The following N4BP2L2 variants were observed in gnomAD, a reference collection of about 807,000 sequenced individuals.
The protein encoded by N4BP2L2 is NEDD4-binding protein 2-like 2.
Under a neutral mutation model 56.2 loss-of-function variants are expected in N4BP2L2, and 50 were observed. The ratio of observed to expected loss-of-function variants is 0.89; its 90% CI spans 0.71 to 1.13. The LOEUF (loss-of-function observed/expected upper bound fraction) is 1.13, where lower values mean the gene tolerates loss of function less well. Ranked by LOEUF, N4BP2L2 falls within the 50% of genes most tolerant of loss-of-function variation. N4BP2L2 has a pLI of 0.00. For synonymous variants in N4BP2L2, 203 were observed against 223.6 expected, an observed-to-expected ratio of 0.91 and a Z score of 0.82; for missense variants, 689 against 693.8, an observed-to-expected ratio of 0.99 and a Z score of 0.08.
downstream of N4BP2L2, chr13:32,506,165 T>C (rs143951952): frequency 2.6e-5 from 4 of 151,622 alleles, no homozygotes; most frequent in African/African-American, 9.7e-5. Flanking sequence ...CTTTGGCTTG[T>C]AGATGGCCAT....
At chr13:32,527,133 C>A (rs1471985028) in intron 3 of N4BP2L2, 3 of 257,484 alleles carry the variant, frequency 1.2e-5, no homozygotes, top group Non-Finnish European at 2.2e-5. Context: ...CTTAAAATAT[C>A]CCATGCTGCT....
At chr13:32,464,260 T>G (rs2080810712) in intron 6 of N4BP2L2, among the ~76,000 whole-genome samples, 1 of 152,236 alleles carries the variant, frequency 6.6e-6, no homozygotes, top group Non-Finnish European at 1.5e-5. Flanking sequence ...AGTTGGTAAA[T>G]TCTAACTGGA....
intron 6 of N4BP2L2, among the ~76,000 whole-genome samples, chr13:32,463,663 CAA>C (rs35920030): frequency 0.013 from 1,304 of 104,028 alleles, 21 homozygotes; most frequent in African/African-American, 0.045. Flanking sequence ...GACTTGGTCT[CAA>C]AAAAAAAAAA....
At chr13:32,521,489 T>A (rs1407186112) in intron 4 of N4BP2L2, 40 bp from the exon 5 acceptor site, 2 of 1,393,982 alleles carry the variant, frequency 1.4e-6, no homozygotes, top group Admixed American at 4.1e-5. Context: ...CCCAGAGAAG[T>A]ACTTCTTAAA....
At position 32,464,880 on chromosome 13, in the gene N4BP2L2, C is replaced by A. The variant is rs993661935; in HGVS notation, c.366-20754G>T. On this transcript the variant is annotated intron_variant, in intron 6 of 9. Transcript: ENST00000357505. ...GTAATAAAACTAATACAAATTAAAA[C>A]CACAATAAGATAAAATTTCATGTCT... Among the ~76,000 whole-genome samples, 11 of 152,038 alleles carry A rather than the reference C, an allele frequency of 7.2e-5. No individual in the cohort carries two copies. The South Asian group carries it at 2.1e-3, about 29-fold the overall frequency.
chr13:32,434,870 G>A (rs1263126237), intron 9 of N4BP2L2, among the ~76,000 whole-genome samples: 2 of 152,286 alleles, frequency 1.3e-5, no homozygotes, highest in African/African-American at 2.4e-5. Flanking sequence ...GAGAAGACCC[G>A]ACAGTTTAGG....
At chr13:32,529,049 T>C (rs1594088551) in intron 2 of N4BP2L2, among the ~76,000 whole-genome samples, 1 of 152,222 alleles carries the variant, frequency 6.6e-6, no homozygotes, top group Non-Finnish European at 1.5e-5. Flanking sequence ...ATGTAAATAG[T>C]TGTTATACTG....
intron 2 of N4BP2L2, among the ~76,000 whole-genome samples, 172 bp downstream of exon 2, chr13:32,535,597 T>C (rs2056351313): frequency 6.6e-6 from 1 of 152,162 alleles, no homozygotes; most frequent in African/African-American, 2.4e-5. Context: ...AGAGACAGGG[T>C]CTCACTATGT....
At chr13:32,492,604 T>TTTACTAA (rs1192660423) in intron 6 of N4BP2L2, among the ~76,000 whole-genome samples, 1 of 152,152 alleles carries the variant, frequency 6.6e-6, no homozygotes, top group Non-Finnish European at 1.5e-5. Flanking sequence ...GTAAATTCCA[T>TTTACTAA]TAGTAACAGG....
At chr13:32,455,828 G>T (rs563814332) in intron 6 of N4BP2L2, among the ~76,000 whole-genome samples, 37 of 152,286 alleles carry the variant, frequency 2.4e-4, no homozygotes, top group African/African-American at 8.7e-4. Context: ...TACCCTGTCT[G>T]CCACTACCAA....
At chr13:32,517,983 G>C in exon 6 of N4BP2L2, 1 of 1,613,428 alleles carries the variant, frequency 6.2e-7, no homozygotes, top group Non-Finnish European at 8.5e-7. Flanking sequence ...CTTCTTTCGA[G>C]ACACACCATG....
chr13:32,441,662 C>G (rs190730450), intron 7 of N4BP2L2, among the ~76,000 whole-genome samples: 1 of 147,278 alleles, frequency 6.8e-6, no homozygotes, highest in African/African-American at 2.5e-5. Flanking sequence ...CCAGCCTGGG[C>G]GACAAGAGCG....
intron 6 of N4BP2L2, among the ~76,000 whole-genome samples, chr13:32,499,008 A>T (rs1054627232): frequency 3.3e-5 from 5 of 151,774 alleles, no homozygotes; most frequent in Non-Finnish European, 7.4e-5. Context: ...AAAAAAAAAA[A>T]AAATTAAAAT....
chr13:32,444,143 T>A, intron 6 of N4BP2L2: 1 of 1,463,596 alleles, frequency 6.8e-7, no homozygotes, highest in Non-Finnish European at 9.0e-7. Context: ...TATTAAAGAA[T>A]TAAGAAAATG....
chr13:32,527,389 C>T lies in N4BP2L2; in HGVS notation c.1384+19G>A. ...CCTAGCCAAATATTCTATCCTGGGA[C>T]ACTTAGCCCAAAACAAACCTCTGTT... On this transcript the variant is annotated intron_variant, in intron 3 of 5. Coordinates refer to ENST00000267068, the Ensembl canonical transcript of N4BP2L2. 6.2e-7 allele frequency: 1 copy of T among 1,611,554 alleles called. No homozygotes were observed. Among genetic ancestry groups the T allele is most frequent in the Non-Finnish European group, 8.5e-7 (1 of 1,179,284 alleles).
chr13:32,518,111 A>T, intron 5 of N4BP2L2, 108 bp from the exon 6 acceptor site: 2 of 1,005,362 alleles, frequency 2.0e-6, no homozygotes, highest in Non-Finnish European at 2.8e-6. Flanking sequence ...TTTTGTAAAT[A>T]AACAATATAT....
At chr13:32,508,039 C>T (rs1167524968), downstream of N4BP2L2, 1 of 152,014 alleles carries the variant, frequency 6.6e-6, no homozygotes, top group African/African-American at 2.4e-5. Flanking sequence ...TGAACAAAAA[C>T]CATGATGTCA....
At chr13:32,486,014 G>T (rs1317099809) in intron 6 of N4BP2L2, among the ~76,000 whole-genome samples, 2 of 152,156 alleles carry the variant, frequency 1.3e-5, no homozygotes, top group East Asian at 3.9e-4. Context: ...AGGTTGCGGT[G>T]AACCAAGATT....
chr13:32,501,589 C>T (rs1450802184), intron 6 of N4BP2L2, among the ~76,000 whole-genome samples: 8 of 151,894 alleles, frequency 5.3e-5, no homozygotes, highest in African/African-American at 9.7e-5. Flanking sequence ...CCGAGGCAGG[C>T]GGATCATGAG....
Sources: gnomAD v4.1 joint callset for allele counts (sites outside exome capture counted in the v4.1 genomes callset) on GRCh38, gnomAD v4.1.1 for gene constraint, MANE v1.5 for transcripts, NCBI Gene and HGNC (gene_info 2026-07-23, HGNC 2026-07-21) for gene names.